The following HDAC9 variants were observed in gnomAD, a reference collection of about 807,000 sequenced individuals.
HDAC9 encodes the protein histone deacetylase 9.
Under a neutral mutation model 139.4 loss-of-function variants are expected in HDAC9, and 41 were observed. The observed-to-expected ratio is 0.29, with a 90% CI of 0.23 to 0.38. The LOEUF is 0.38. Ranked by LOEUF, HDAC9 falls within the 10% of genes least tolerant of loss-of-function variation. The probability of loss-of-function intolerance (pLI) is 1.00; values close to 1 mark genes in which losing one functional copy is unlikely to be tolerated. For synonymous variants in HDAC9, 517 were observed against 476.2 expected, an observed-to-expected ratio of 1.09 and a Z score of -1.12; for missense variants, 1,147 against 1,297.0, an observed-to-expected ratio of 0.88 and a Z score of 1.78.
intron 2 of HDAC9, among the ~76,000 whole-genome samples, chr7:18,523,991 T>C (rs147731747): frequency 2.0e-4 from 31 of 151,502 alleles, no homozygotes; most frequent in Non-Finnish European, 3.4e-4. Context: ...GTAACATTGA[T>C]TGACTATCAC....
intron 14 of HDAC9, among the ~76,000 whole-genome samples, chr7:18,758,755 T>C (rs1789104413): frequency 6.6e-6 from 1 of 151,854 alleles, no homozygotes; most frequent in Non-Finnish European, 1.5e-5. Flanking sequence ...TTTCAAAACA[T>C]GCTTTTTCCA....
chr7:18,940,030 T>C (rs1781916390), intron 23 of HDAC9, among the ~76,000 whole-genome samples: 1 of 152,190 alleles, frequency 6.6e-6, no homozygotes, highest in African/African-American at 2.4e-5. Context: ...GAATGCTATT[T>C]CTTTCCCTTG....
At chr7:18,546,634 T>G (rs1286108799) in intron 2 of HDAC9, among the ~76,000 whole-genome samples, 1 of 152,244 alleles carries the variant, frequency 6.6e-6, no homozygotes. Flanking sequence ...GGCAAGTTGT[T>G]TGCTTTGTTG....
At chr7:18,443,132 C>G (rs752779489) in intron 1 of HDAC9, among the ~76,000 whole-genome samples, 2 of 152,134 alleles carry the variant, frequency 1.3e-5, no homozygotes, top group Non-Finnish European at 2.9e-5. Flanking sequence ...TAATCATAAA[C>G]TAGCCAGGAA....
Position 18,134,063 on chromosome 7 carries a change from C to A in HDAC9, c.-96-28166C>A, listed in dbSNP as rs930443760. ...AACTCAGCTTTGATTATAATGTTCA[C>A]CCTCCTGGAATTGGTCCATTACAAC... On this transcript the variant is annotated intron_variant, in intron 1 of 12. Coordinates refer to the HDAC9 transcript ENST00000417496. Among the ~76,000 whole-genome samples the A allele has an allele frequency of 2.0e-5, 3 of 151,624 alleles. No homozygotes were observed. The South Asian group carries it at 6.3e-4, about 32-fold the overall frequency.
intron 13 of HDAC9, among the ~76,000 whole-genome samples, chr7:18,732,991 G>GTA (rs200864414): frequency 7.0e-6 from 1 of 142,798 alleles, no homozygotes; most frequent in African/African-American, 2.7e-5. Context: ...GTATGTGTGT[G>GTA]TATGTGTATA....
intron 22 of HDAC9, among the ~76,000 whole-genome samples, chr7:18,911,988 A>G (rs1802781783): frequency 6.6e-6 from 1 of 151,992 alleles, no homozygotes; most frequent in Non-Finnish European, 1.5e-5. Context: ...CAGATAAAAT[A>G]TTCTTTAAAC....
chr7:18,358,144 G>A (rs749022644), intron 1 of HDAC9, among the ~76,000 whole-genome samples: 1 of 152,110 alleles, frequency 6.6e-6, no homozygotes, highest in Non-Finnish European at 1.5e-5. Context: ...AGCTGAGATG[G>A]TGCCATGCAT....
chr7:18,159,182 T>C (rs1787441485), intron 1 of HDAC9, among the ~76,000 whole-genome samples: 1 of 152,234 alleles, frequency 6.6e-6, no homozygotes. Context: ...TTAAAATTCA[T>C]TGAAACCATT....
intron 24 of HDAC9, among the ~76,000 whole-genome samples, chr7:18,957,489 C>T (rs921285102): frequency 6.6e-6 from 1 of 152,126 alleles, no homozygotes; most frequent in Admixed American, 6.6e-5. Flanking sequence ...TCACCTGCTC[C>T]TTTGGGACTC....
chr7:18,644,584 G>T, intron 8 of HDAC9, 87 bp from the exon 9 acceptor site: 1 of 1,094,594 alleles, frequency 9.1e-7, no homozygotes, highest in South Asian at 2.0e-5. Flanking sequence ...TCTTAATTAT[G>T]GTAAGACCCA....
At chr7:18,941,159 C>CTTTTT (rs72216267) in intron 23 of HDAC9, among the ~76,000 whole-genome samples, 3 of 148,846 alleles carry the variant, frequency 2.0e-5, no homozygotes, top group Non-Finnish European at 4.5e-5. Flanking sequence ...TTTGTCTCTT[C>CTTTTT]TTTTTTTTTT....
rs894014072 is a variant in HDAC9, at chr7:19,001,095, T to A, written c.*5033T>A. On this transcript the variant is annotated 3_prime_UTR_variant, in exon 26 of 26. Coordinates refer to ENST00000686413, the MANE Select transcript of HDAC9 (RefSeq NM_178425.4). Reference sequence around the variant, plus strand: ...TTGTTTTACTAATGCAGAATTATTCTTTTTGTTTCAAACATAGTTTGCCAT... The same window carrying A: ...TTGTTTTACTAATGCAGAATTATTCATTTTGTTTCAAACATAGTTTGCCAT... 2.0e-5 allele frequency: 3 copies of A among 152,214 alleles called. No homozygotes were observed. The highest frequency in any genetic ancestry group is 7.2e-5 in the African/African-American group (3 of 41,466). The allele number at this position is 152,214 out of a possible 1,614,324, so 9.4% of individuals were successfully genotyped here. A position where few individuals can be genotyped will look rare whatever the true frequency, so the allele number is the denominator to read the frequency against.
At chr7:18,528,869 A>G (rs966599722) in intron 2 of HDAC9, among the ~76,000 whole-genome samples, 4 of 152,126 alleles carry the variant, frequency 2.6e-5, no homozygotes, top group Admixed American at 1.3e-4. Context: ...TGCCCAGTCT[A>G]GGGTGTGCAT....
intron 2 of HDAC9, among the ~76,000 whole-genome samples, chr7:18,192,070 C>A (rs2128151177): frequency 6.6e-6 from 1 of 152,256 alleles, no homozygotes; most frequent in African/African-American, 2.4e-5. Flanking sequence ...TCATTTTTCA[C>A]CAGGGATTCC....
intron 12 of HDAC9, among the ~76,000 whole-genome samples, chr7:18,672,966 CT>C (rs761187487): frequency 1.3e-5 from 2 of 152,052 alleles, no homozygotes; most frequent in South Asian, 4.1e-4. Context: ...GATACTGTTA[CT>C]TTTTTCTTCC....
intron 24 of HDAC9, among the ~76,000 whole-genome samples, chr7:18,968,957 T>TGAAAAAA (rs1367665852): frequency 1.8e-4 from 1 of 5,430 alleles, no homozygotes; most frequent in Non-Finnish European, 3.9e-4. Context: ...AGCCTCCCTC[T>TGAAAAAA]CAAAAAAAAA....
rs545557744 is a variant in HDAC9 at position 18,395,766 on chromosome 7, C to T, written c.-41-100496C>T. 3.3e-5 allele frequency among the ~76,000 whole-genome samples: 5 copies of T among 152,112 alleles called. No individual in the cohort carries two copies. In the South Asian group the frequency reaches 6.2e-4, roughly 19 times the overall value. ...CACTCAACCACTGTTCTCCCAAGGC[C>T]GTTACCTTATTTCAGAGAAAGCCTA... On this transcript the variant is annotated intron_variant, in intron 1 of 3. Coordinates refer to the HDAC9 transcript ENST00000413509.
At chr7:18,689,902 A>G (rs1003367046) in intron 12 of HDAC9, among the ~76,000 whole-genome samples, 2 of 152,054 alleles carry the variant, frequency 1.3e-5, no homozygotes, top group South Asian at 2.1e-4. Flanking sequence ...ACATTCTTGC[A>G]TATATCTATA....
Sources: allele counts gnomAD v4.1 joint callset (sites outside exome capture counted in the v4.1 genomes callset), GRCh38; gene constraint gnomAD v4.1.1; transcripts MANE v1.5; gene names NCBI Gene and HGNC (gene_info 2026-07-23, HGNC 2026-07-21).